The following FBXL7 variants were observed in gnomAD, a reference collection of about 807,000 sequenced individuals.
FBXL7 encodes F-box and leucine rich repeat protein 7, also known as F-box/LRR-repeat protein 7.
FBXL7 carries 12 observed loss-of-function variants against 38.3 expected under a neutral mutation model. The ratio of observed to expected loss-of-function variants is 0.31; its 90% CI spans 0.20 to 0.51. The LOEUF (loss-of-function observed/expected upper bound fraction) is 0.51, where lower values mean the gene tolerates loss of function less well. FBXL7 is among the 20% of genes least tolerant of loss of function. The pLI is 0.98. For missense variants in FBXL7, 567 were observed against 676.4 expected (o/e 0.84, Z 1.79); for synonymous variants, 297 against 300.9 (o/e 0.99, Z 0.13).
intron 2 of FBXL7, among the ~76,000 whole-genome samples, chr5:15,727,962 C>T (rs1306539025): frequency 3.9e-5 from 6 of 152,154 alleles, no homozygotes; most frequent in Non-Finnish European, 8.8e-5. Flanking sequence ...CCATTGCTCT[C>T]TCTTCAAGTT....
intron 1 of FBXL7, among the ~76,000 whole-genome samples, chr5:15,549,407 A>T (rs1431739835): frequency 2.0e-5 from 3 of 152,138 alleles, no homozygotes; most frequent in Admixed American, 2.0e-4. Context: ...CAAGCTTGTG[A>T]CTGAAACCAC....
chr5:15,513,785 T>C (rs768977850), intron 1 of FBXL7, among the ~76,000 whole-genome samples: 6 of 152,276 alleles, frequency 3.9e-5, no homozygotes, highest in Non-Finnish European at 8.8e-5. Flanking sequence ...ATTTGGATAA[T>C]GTATATTGTG....
chr5:15,517,837 ACATCT>A (rs1463543277), intron 1 of FBXL7, among the ~76,000 whole-genome samples: 2 of 152,126 alleles, frequency 1.3e-5, no homozygotes, highest in Admixed American at 6.5e-5. Context: ...AAAAAAATTG[ACATCT>A]CAGCTTCATC....
At chr5:15,772,513 A>G (rs1736754340) in intron 2 of FBXL7, among the ~76,000 whole-genome samples, 1 of 152,220 alleles carries the variant, frequency 6.6e-6, no homozygotes, top group Admixed American at 6.5e-5. Context: ...TGAAATAGCA[A>G]GGCTTTGGAG....
chr5:15,796,944 A>G (rs1737431345), intron 2 of FBXL7, among the ~76,000 whole-genome samples: 1 of 152,206 alleles, frequency 6.6e-6, no homozygotes, highest in Admixed American at 6.5e-5. Flanking sequence ...CTTTACTGTA[A>G]CTGAGTTTTA....
intron 1 of FBXL7, among the ~76,000 whole-genome samples, chr5:15,581,278 A>G (rs1739131055): frequency 6.6e-6 from 1 of 152,180 alleles, no homozygotes; most frequent in Non-Finnish European, 1.5e-5. Flanking sequence ...CTTATTTCAA[A>G]TTAAACCCTT....
chr5:15,654,418 G>GAAA lies in FBXL7; in HGVS notation c.127+38358_127+38360dup, dbSNP rs200453697. On this transcript the variant is annotated intron_variant, in intron 2 of 3. Transcript: ENST00000504595. ...ATGGGAGGAAAATTCATAAAAAACT[G>GAAA]AAAAAAAAAAAAAAGGCAAAACTGT... 4.5e-3 allele frequency among the ~76,000 whole-genome samples: 567 copies of GAAA among 126,400 alleles called. 2 individuals carry two copies. Among genetic ancestry groups the GAAA allele is most frequent in the African/African-American group, 0.014 (493 of 34,634 alleles). The allele number at this position is 126,400 out of a possible 152,430, so 82.9% of individuals were successfully genotyped here.
intron 2 of FBXL7, among the ~76,000 whole-genome samples, chr5:15,904,348 T>C (rs1741305013): frequency 6.6e-6 from 1 of 152,226 alleles, no homozygotes. Flanking sequence ...CAATACACTT[T>C]GTTCCCTCTT....
chr5:15,512,308 C>G (rs565868023), intron 1 of FBXL7, among the ~76,000 whole-genome samples: 5 of 152,310 alleles, frequency 3.3e-5, no homozygotes, highest in Non-Finnish European at 5.9e-5. Context: ...TCACTATCCT[C>G]TAGTTTAATC....
At chr5:15,587,835 C>T (rs965646871) in intron 1 of FBXL7, among the ~76,000 whole-genome samples, 3 of 152,038 alleles carry the variant, frequency 2.0e-5, no homozygotes, top group African/African-American at 7.2e-5. Context: ...TAAAATGGGT[C>T]AAATAAAAGA....
At chr5:15,872,079 A>C (rs1739990154) in intron 2 of FBXL7, among the ~76,000 whole-genome samples, 1 of 152,192 alleles carries the variant, frequency 6.6e-6, no homozygotes, top group Non-Finnish European at 1.5e-5. Flanking sequence ...GCAGACTAAG[A>C]GCGGATCTCT....
intron 2 of FBXL7, among the ~76,000 whole-genome samples, chr5:15,789,295 C>A (rs929244707): frequency 6.6e-6 from 1 of 152,096 alleles, no homozygotes; most frequent in Non-Finnish European, 1.5e-5. Context: ...TCTGCCAGAC[C>A]AGCAGTTACG....
intron 2 of FBXL7, among the ~76,000 whole-genome samples, chr5:15,846,348 ATCTC>A (rs1221019895): frequency 6.6e-6 from 1 of 152,224 alleles, no homozygotes; most frequent in African/African-American, 2.4e-5. Context: ...TGTTATAAAA[ATCTC>A]TCCATGGCAA....
chr5:15,869,552 T>C (rs1320597819), intron 2 of FBXL7, among the ~76,000 whole-genome samples: 4 of 152,204 alleles, frequency 2.6e-5, no homozygotes, highest in African/African-American at 4.8e-5. Context: ...CTAATTTGTT[T>C]TGGTATCTTA....
chr5:15,746,737 A>G (rs908257604), intron 2 of FBXL7, among the ~76,000 whole-genome samples: 1 of 152,044 alleles, frequency 6.6e-6, no homozygotes, highest in Non-Finnish European at 1.5e-5. Context: ...ACCATCTAAG[A>G]CAGTGCTTTT....
At chr5:15,580,745 TC>T (rs1352208576) in intron 1 of FBXL7, 2 of 985,334 alleles carry the variant, frequency 2.0e-6, no homozygotes, top group East Asian at 2.3e-4. Flanking sequence ...CTCACAAGCT[TC>T]CCTCCTGGTG....
intron 2 of FBXL7, among the ~76,000 whole-genome samples, chr5:15,618,126 G>A (rs1430459096): frequency 2.0e-5 from 3 of 151,978 alleles, no homozygotes; most frequent in Non-Finnish European, 4.4e-5. Context: ...ATTTTCTTGT[G>A]CCTTTCCCTT....
Position 15,928,114 on chromosome 5 carries a change from C to T in FBXL7, c.352C>T (p.Pro118Ser), listed in dbSNP as rs1741937482. The change falls in exon 3 of 4, where the codon CCG (proline) becomes TCG (serine). Residue 118 changes from proline to serine, a missense_variant. Physicochemically the swap from Pro to Ser is moderately conservative, Grantham distance 74 (BLOSUM62 -1). Transcript: ENST00000504595. The surrounding 1 kb of genome is among the most constrained non-coding windows in gnomAD (Gnocchi z 4.0). ...QKEQASIDRL[P>S]DHSMVQIFSF... Reference sequence around the variant, plus strand: ...GGAGCAGGCCAGCATAGACCGGCTCCCGGACCACTCCATGGTGCAGATCTT... The same window carrying T: ...GGAGCAGGCCAGCATAGACCGGCTCTCGGACCACTCCATGGTGCAGATCTT... The T allele has an allele frequency of 1.2e-6, 2 of 1,611,942 alleles. No homozygotes were observed. The highest frequency in any genetic ancestry group is 1.3e-5 in the African/African-American group (1 of 74,790).
chr5:15,668,230 C>G (rs1007726476), intron 2 of FBXL7, among the ~76,000 whole-genome samples: 2 of 152,202 alleles, frequency 1.3e-5, no homozygotes, highest in African/African-American at 2.4e-5. Flanking sequence ...CTACATTGAA[C>G]TGTTCCCTAT....
Sources: gnomAD v4.1 joint callset for allele counts (sites outside exome capture counted in the v4.1 genomes callset) on GRCh38, gnomAD v4.1.1 for gene constraint, Gnocchi (gnomAD v3.1) non-coding constraint, MANE v1.5 for transcripts, NCBI Gene and HGNC (gene_info 2026-07-23, HGNC 2026-07-21) for gene names.